PIWIL3: variants seen among roughly 807,000 people sequenced by gnomAD.
The protein encoded by PIWIL3 is piwi like RNA-mediated gene silencing 3.
In PIWIL3, 101 loss-of-function variants were observed where a neutral mutation model predicts 109.7. That is an observed-to-expected ratio of 0.92 (90% CI 0.78 to 1.09). The LOEUF is 1.09. PIWIL3 is among the 50% of genes least tolerant of loss of function. The probability of loss-of-function intolerance (pLI) is 0.00; values close to 1 mark genes in which losing one functional copy is unlikely to be tolerated. For synonymous variants in PIWIL3, 373 were observed against 376.4 expected, an observed-to-expected ratio of 0.99 and a Z score of 0.10; for missense variants, 1,031 against 1,072.6, an observed-to-expected ratio of 0.96 and a Z score of 0.54.
chr22:24,761,957 G>A, intron 2 of PIWIL3: 1 of 987,416 alleles, frequency 1.0e-6, no homozygotes, highest in South Asian at 4.7e-5. Flanking sequence ...GCGCCACTAT[G>A]GATCCTGCTG....
At chr22:24,720,280 T>G (rs1299992835) in intron 19 of PIWIL3, among the ~76,000 whole-genome samples, 4 of 144,060 alleles carry the variant, frequency 2.8e-5, no homozygotes, top group Admixed American at 1.4e-4. Context: ...TTTTTTTTTT[T>G]TTTTTTTTTT....
intron 19 of PIWIL3, among the ~76,000 whole-genome samples, chr22:24,721,471 T>C (rs1922670215): frequency 6.6e-6 from 1 of 152,210 alleles, no homozygotes; most frequent in African/African-American, 2.4e-5. Flanking sequence ...ACCCCCATCA[T>C]ATCTTATCTA....
At chr22:24,739,816 C>T (rs189444425) in intron 12 of PIWIL3, among the ~76,000 whole-genome samples, 12 of 152,006 alleles carry the variant, frequency 7.9e-5, no homozygotes, top group East Asian at 5.8e-4. Context: ...TTTGAGAGGC[C>T]GAGGCGGGAG....
chr22:24,728,679 TAA>T lies in PIWIL3; in HGVS notation c.1708-307_1708-306del, dbSNP rs554438620. 1.1e-3 allele frequency among the ~76,000 whole-genome samples: 167 copies of T among 152,322 alleles called. 1 individual carries two copies. Among genetic ancestry groups the T allele is most frequent in the African/African-American group, 3.7e-3 (152 of 41,578 alleles). Reference sequence around the variant, plus strand: ...AACTATAATTAACATTAAATTGTTATAAGTGTTTAAATTATAGTGTTGTAAAT... The same window carrying T: ...AACTATAATTAACATTAAATTGTTATGTGTTTAAATTATAGTGTTGTAAAT... On this transcript the variant is annotated intron_variant, in intron 14 of 20. Transcript: ENST00000616349.
rs1246301598 is a variant in PIWIL3, at chr22:24,771,349, G to A, written c.-23+2973C>T. On this transcript the variant is annotated intron_variant, in intron 1 of 20. Coordinates refer to ENST00000616349, the MANE Select transcript of PIWIL3 (RefSeq NM_001255975.1). ...AAAAGTTAGCCAGGCATGGTGGCGG[G>A]CGCCTGTAGTCCCAGCTACTTGGGA... 3.3e-5 allele frequency among the ~76,000 whole-genome samples: 5 copies of A among 151,554 alleles called. No individual in the cohort carries two copies. In the East Asian group the frequency reaches 5.8e-4, roughly 18 times the overall value.
At chr22:24,771,424 C>G (rs995590823) in intron 1 of PIWIL3, among the ~76,000 whole-genome samples, 1 of 150,500 alleles carries the variant, frequency 6.6e-6, no homozygotes, top group Admixed American at 6.6e-5. Context: ...CTTTTGTGAG[C>G]CAAGATCACA....
intron 14 of PIWIL3, among the ~76,000 whole-genome samples, chr22:24,729,353 G>A (rs976573314): frequency 4.6e-5 from 7 of 152,060 alleles, no homozygotes; most frequent in African/African-American, 1.2e-4. Context: ...CGCAGACGAC[G>A]AGACGGTTTC....
At chr22:24,739,374 A>G (rs1430162157) in intron 12 of PIWIL3, among the ~76,000 whole-genome samples, 1 of 152,240 alleles carries the variant, frequency 6.6e-6, no homozygotes, top group Non-Finnish European at 1.5e-5. Context: ...TTTCACCCAT[A>G]GACAACTACT....
intron 2 of PIWIL3, among the ~76,000 whole-genome samples, chr22:24,761,034 T>C (rs1413502993): frequency 1.3e-5 from 2 of 152,168 alleles, no homozygotes; most frequent in South Asian, 4.1e-4. Context: ...GCACAGACTT[T>C]TGGCCTGAGC....
intron 12 of PIWIL3, among the ~76,000 whole-genome samples, chr22:24,741,911 GGAGA>G (rs963086030): frequency 2.6e-5 from 4 of 151,466 alleles, no homozygotes; most frequent in Non-Finnish European, 5.9e-5. Context: ...CAATCAGACA[GGAGA>G]AAGAAATAAA....
intron 1 of PIWIL3, chr22:24,769,619 AAAACAAAC>A (rs113286082): frequency 6.6e-6 from 1 of 152,254 alleles, no homozygotes; most frequent in Non-Finnish European, 1.5e-5. Flanking sequence ...CTGAAAAACA[AAAACAAAC>A]AAACAAACAA....
At chr22:24,732,614 G>A (rs1923419872) in intron 14 of PIWIL3, among the ~76,000 whole-genome samples, 1 of 152,168 alleles carries the variant, frequency 6.6e-6, no homozygotes, top group African/African-American at 2.4e-5. Flanking sequence ...ACGAGGTCAG[G>A]AGATCGAGAC....
intron 18 of PIWIL3, among the ~76,000 whole-genome samples, chr22:24,724,070 G>A (rs1391234388): frequency 6.6e-6 from 1 of 152,144 alleles, no homozygotes; most frequent in Non-Finnish European, 1.5e-5. Flanking sequence ...CTTTGTGGTG[G>A]AAGCGGTCTG....
At chr22:24,741,008 C>T (rs191149771) in intron 12 of PIWIL3, among the ~76,000 whole-genome samples, 1 of 147,274 alleles carries the variant, frequency 6.8e-6, no homozygotes, top group Non-Finnish European at 1.5e-5. Context: ...TAAAAATTCT[C>T]AACAAAATAC....
At chr22:24,758,545 A>C (rs1039583491) in intron 3 of PIWIL3, among the ~76,000 whole-genome samples, 7 of 152,258 alleles carry the variant, frequency 4.6e-5, no homozygotes, top group Non-Finnish European at 1.5e-5. Context: ...TTAACATTTA[A>C]ATGACAGCAC....
At chr22:24,724,155 C>T (rs1022157050) in intron 18 of PIWIL3, among the ~76,000 whole-genome samples, 1 of 152,098 alleles carries the variant, frequency 6.6e-6, no homozygotes, top group Non-Finnish European at 1.5e-5. Context: ...AGGGTCTTCC[C>T]GGCGCTCCCC....
intron 14 of PIWIL3, among the ~76,000 whole-genome samples, chr22:24,731,520 G>A (rs529496370): frequency 1.7e-4 from 26 of 151,812 alleles, no homozygotes; most frequent in South Asian, 6.3e-4. Flanking sequence ...GCATGGTGGC[G>A]GACGCCTGTA....
At chr22:24,761,101 G>A (rs1925412822) in intron 2 of PIWIL3, among the ~76,000 whole-genome samples, 1 of 152,122 alleles carries the variant, frequency 6.6e-6, no homozygotes, top group African/African-American at 2.4e-5. Flanking sequence ...GGGGAGGGCA[G>A]GTTGGGAGTG....
At chr22:24,748,074 T>C (rs1286945287) in intron 12 of PIWIL3, among the ~76,000 whole-genome samples, 1 of 151,554 alleles carries the variant, frequency 6.6e-6, no homozygotes, top group Non-Finnish European at 1.5e-5. Context: ...GTGATACATA[T>C]ACACAATGGA....
Sources: gnomAD v4.1 joint callset for allele counts (sites outside exome capture counted in the v4.1 genomes callset) on GRCh38, gnomAD v4.1.1 for gene constraint, MANE v1.5 for transcripts, NCBI Gene and HGNC (gene_info 2026-07-23, HGNC 2026-07-21) for gene names.